Variants in MDGA2 observed in about 807,000 individuals in gnomAD.
The protein encoded by MDGA2 is MAM domain containing glycosylphosphatidylinositol anchor 2.
Under a neutral mutation model 117.8 loss-of-function variants are expected in MDGA2, and 40 were observed. That is an observed-to-expected ratio of 0.34 (90% CI 0.26 to 0.44). MDGA2 has a LOEUF of 0.44. MDGA2 is among the 20% of genes least tolerant of loss of function. The pLI is 1.00. For missense variants in MDGA2, 1,123 were observed against 1,250.6 expected, an observed-to-expected ratio of 0.90 and a Z score of 1.54; for synonymous variants, 452 against 439.0, an observed-to-expected ratio of 1.03 and a Z score of -0.37.
intron 1 of MDGA2, among the ~76,000 whole-genome samples, chr14:47,361,761 T>C (rs1032217102): frequency 3.9e-5 from 6 of 152,076 alleles, no homozygotes; most frequent in African/African-American, 1.4e-4. Flanking sequence ...GAGGACTCAG[T>C]TGTTTGGTTG....
chr14:47,043,484 A>G (rs113050840), intron 7 of MDGA2, among the ~76,000 whole-genome samples: 172 of 152,206 alleles, frequency 1.1e-3, no homozygotes, highest in African/African-American at 3.8e-3. Flanking sequence ...ATATTGTTAC[A>G]TGTCCTTCTG....
intron 1 of MDGA2, among the ~76,000 whole-genome samples, chr14:47,616,187 A>G (rs1201384825): frequency 1.3e-5 from 2 of 152,210 alleles, no homozygotes; most frequent in East Asian, 3.9e-4. Flanking sequence ...ATTACTGTCA[A>G]ATTTGACAGG....
At chr14:47,003,802 A>G (rs949866771) in intron 8 of MDGA2, among the ~76,000 whole-genome samples, 1 of 151,894 alleles carries the variant, frequency 6.6e-6, no homozygotes, top group Non-Finnish European at 1.5e-5. Context: ...TTTATTATTT[A>G]TTTCTTTTGT....
At chr14:47,324,265 C>T (rs1890075946) in intron 1 of MDGA2, among the ~76,000 whole-genome samples, 1 of 151,944 alleles carries the variant, frequency 6.6e-6, no homozygotes, top group Admixed American at 6.6e-5. Flanking sequence ...AAAAAGATCT[C>T]TGAGTGATGC....
chr14:47,281,212 G>GA (rs1257912469), intron 2 of MDGA2, among the ~76,000 whole-genome samples: 5 of 150,122 alleles, frequency 3.3e-5, no homozygotes, highest in African/African-American at 1.2e-4. Context: ...TTTTCAATTA[G>GA]AATCTGGACA....
chr14:47,230,580 A>G (rs1265452431), intron 2 of MDGA2, among the ~76,000 whole-genome samples: 1 of 152,002 alleles, frequency 6.6e-6, no homozygotes, highest in Non-Finnish European at 1.5e-5. Flanking sequence ...TACATTTTCA[A>G]TCTTATGGAC....
At chr14:47,034,729 T>TACACAC (rs59191576) in intron 8 of MDGA2, among the ~76,000 whole-genome samples, 53 of 147,158 alleles carry the variant, frequency 3.6e-4, no homozygotes, top group Middle Eastern at 3.4e-3. Flanking sequence ...ATAATTATCA[T>TACACAC]ACACACACAC....
chr14:46,881,009 A>ACACACACACACAC (rs1882432970), intron 11 of MDGA2, among the ~76,000 whole-genome samples: 1 of 145,588 alleles, frequency 6.9e-6, no homozygotes, highest in Non-Finnish European at 1.5e-5. Flanking sequence ...AACTATCACT[A>ACACACACACACAC]ACACACACAC....
chr14:47,367,329 T>A (rs1050784670), intron 1 of MDGA2, among the ~76,000 whole-genome samples: 1 of 152,156 alleles, frequency 6.6e-6, no homozygotes, highest in Admixed American at 6.5e-5. Context: ...CCTAAAAATA[T>A]TTGTCTCTGG....
At chr14:47,452,566 C>G (rs899380591) in intron 1 of MDGA2, among the ~76,000 whole-genome samples, 2 of 151,906 alleles carry the variant, frequency 1.3e-5, no homozygotes, top group Admixed American at 6.6e-5. Context: ...ATAGTTATAA[C>G]AGATGACCTT....
chr14:47,596,947 G>A (rs539328461), intron 1 of MDGA2, among the ~76,000 whole-genome samples: 2 of 152,102 alleles, frequency 1.3e-5, no homozygotes, highest in Non-Finnish European at 2.9e-5. Context: ...AGCCCATTCT[G>A]TAAGAGCCCT....
At chr14:47,371,094 A>C (rs1272234537) in intron 1 of MDGA2, among the ~76,000 whole-genome samples, 1 of 151,906 alleles carries the variant, frequency 6.6e-6, no homozygotes, top group Non-Finnish European at 1.5e-5. Context: ...TTACAAATTG[A>C]AATACACTTG....
At chr14:47,074,434 GACT>G (rs2138856849) in intron 6 of MDGA2, among the ~76,000 whole-genome samples, 1 of 152,134 alleles carries the variant, frequency 6.6e-6, no homozygotes, top group East Asian at 1.9e-4. Context: ...GAGTAGCTGG[GACT>G]ATACAGGCAC....
At position 47,675,019 on chromosome 14, in the gene MDGA2, C is replaced by A; in HGVS notation, c.-223G>T. On this transcript the variant is annotated 5_prime_UTR_variant, in exon 1 of 17. Coordinates refer to ENST00000399232, the MANE Select transcript of MDGA2 (RefSeq NM_001113498.3). ...CGGCGGCGGCGGCGCGCTGGGCCGGCGGCGGGCGCGGGCAGGGGGCCGGGG... is the reference window on the plus strand; with the variant it reads ...CGGCGGCGGCGGCGCGCTGGGCCGGAGGCGGGCGCGGGCAGGGGGCCGGGG... The A allele has an allele frequency of 4.0e-6, 1 of 247,402 alleles. No homozygotes were observed. The highest frequency in any genetic ancestry group is 7.6e-6 in the Non-Finnish European group (1 of 131,832). 15.3% of individuals were successfully genotyped at this position (247,402 alleles called of 1,614,324 possible). A position where few individuals can be genotyped will look rare whatever the true frequency, so the allele number is the denominator to read the frequency against.
chr14:47,153,700 G>T (rs899036613), intron 3 of MDGA2, among the ~76,000 whole-genome samples: 13 of 121,736 alleles, frequency 1.1e-4, no homozygotes, highest in African/African-American at 3.9e-4. Context: ...AAAAAGAAAA[G>T]AAAAGAAATA....
At chr14:47,214,706 G>C (rs2031654) in intron 3 of MDGA2, among the ~76,000 whole-genome samples, 126,617 of 152,030 alleles carry the variant, frequency 0.83, 52,895 homozygotes, top group African/African-American at 0.88. Context: ...AATTCCTTTC[G>C]TGAAACTACA....
chr14:47,055,306 C>T (rs925149022), intron 7 of MDGA2, among the ~76,000 whole-genome samples: 9 of 152,014 alleles, frequency 5.9e-5, no homozygotes, highest in African/African-American at 1.9e-4. Flanking sequence ...CAAATCAGAT[C>T]ATATTGCCTC....
chr14:47,176,671 A>C (rs934747644), intron 3 of MDGA2, among the ~76,000 whole-genome samples: 5 of 152,220 alleles, frequency 3.3e-5, no homozygotes, highest in Non-Finnish European at 7.3e-5. Context: ...TAAAGACTTA[A>C]ATGTTAGACC....
intron 6 of MDGA2, among the ~76,000 whole-genome samples, chr14:47,088,624 T>A (rs1387309605): frequency 1.3e-5 from 2 of 152,180 alleles, no homozygotes. Context: ...GATCAAATCA[T>A]TCTGGGAAAT....
Sources: gnomAD v4.1 joint callset for allele counts (sites outside exome capture counted in the v4.1 genomes callset) on GRCh38, gnomAD v4.1.1 for gene constraint, MANE v1.5 for transcripts, NCBI Gene and HGNC (gene_info 2026-07-23, HGNC 2026-07-21) for gene names.